CLOCK: variants seen among roughly 807,000 people sequenced by gnomAD.
CLOCK encodes the protein clock circadian regulator, also known as circadian locomoter output cycles protein kaput.
Under a neutral mutation model 118.4 loss-of-function variants are expected in CLOCK, and 43 were observed. That is an observed-to-expected ratio of 0.36 (90% CI 0.28 to 0.47). CLOCK has a LOEUF of 0.47. Among genes scored for constraint, CLOCK ranks in the 20% least tolerant of loss-of-function variants. The pLI is 1.00. For synonymous variants in CLOCK, 326 were observed against 339.2 expected, an observed-to-expected ratio of 0.96 and a Z score of 0.43; for missense variants, 846 against 999.9, an observed-to-expected ratio of 0.85 and a Z score of 2.08.
chr4:55,495,157 C>T (rs1388469526), intron 2 of CLOCK, among the ~76,000 whole-genome samples: 1 of 152,098 alleles, frequency 6.6e-6, no homozygotes, highest in Admixed American at 6.6e-5. Flanking sequence ...CATCCCCCAT[C>T]CCTATATACT....
In CLOCK at chr4:55,530,663, T is replaced by C. The variant is rs1203901016; in HGVS notation, c.-290+16119A>G. ...GGTGGCAAACGCCTGTAATCCCATC[T>C]ACTGCGGAGGTTGAAGCAGAAGAAT... On this transcript the variant is annotated intron_variant, in intron 1 of 22. Transcript: ENST00000513440. Among the ~76,000 whole-genome samples the C allele has an allele frequency of 3.4e-5, 5 of 149,246 alleles. No individual in the cohort carries two copies. The East Asian group carries it at 5.9e-4, about 18-fold the overall frequency.
intron 2 of CLOCK, among the ~76,000 whole-genome samples, chr4:55,493,789 T>G (rs1727876134): frequency 6.6e-6 from 1 of 152,156 alleles, no homozygotes; most frequent in Admixed American, 6.6e-5. Context: ...AACTGACCTG[T>G]AAGAATAAGA....
intron 15 of CLOCK, chr4:55,452,685 AT>A (rs939837981): frequency 3.0e-4 from 58 of 194,692 alleles, no homozygotes; most frequent in Admixed American, 1.1e-3. Context: ...TTTAGGGAAG[AT>A]TTTTTTTTCC....
At chr4:55,543,904 AATAAT>A (rs1204374742) in intron 1 of CLOCK, among the ~76,000 whole-genome samples, 1 of 152,224 alleles carries the variant, frequency 6.6e-6, no homozygotes, top group Admixed American at 6.5e-5. Flanking sequence ...ATCAAACAGA[AATAAT>A]ATAAGTATCC....
intron 1 of CLOCK, among the ~76,000 whole-genome samples, chr4:55,511,262 G>A (rs1304381774): frequency 6.7e-6 from 1 of 149,424 alleles, no homozygotes; most frequent in Non-Finnish European, 1.5e-5. Context: ...TCACTATCAA[G>A]CAAGTGCTTT....
intron 1 of CLOCK, among the ~76,000 whole-genome samples, chr4:55,528,462 G>A (rs1730340792): frequency 6.6e-6 from 1 of 152,084 alleles, no homozygotes; most frequent in Admixed American, 6.6e-5. Context: ...TGAATGAGAT[G>A]ATGATGGTGA....
chr4:55,515,662 C>T (rs931314238), intron 1 of CLOCK, among the ~76,000 whole-genome samples: 10 of 152,174 alleles, frequency 6.6e-5, no homozygotes, highest in East Asian at 1.9e-4. Flanking sequence ...GGATTACAGG[C>T]GCGAGCCACC....
chr4:55,470,855 G>T, intron 7 of CLOCK, 49 bp from the exon 8 acceptor site: 2 of 1,317,852 alleles, frequency 1.5e-6, no homozygotes, highest in Non-Finnish European at 2.2e-6. Flanking sequence ...AAAGTATTTT[G>T]CAGGACAGAA....
chr4:55,451,873 T>C (rs1560424691), intron 15 of CLOCK, among the ~76,000 whole-genome samples: 1 of 152,228 alleles, frequency 6.6e-6, no homozygotes, highest in South Asian at 2.1e-4. Context: ...GTTTGCATTA[T>C]TCAGTGCTGT....
chr4:55,517,861 T>G (rs1729612917), intron 1 of CLOCK, among the ~76,000 whole-genome samples: 1 of 152,148 alleles, frequency 6.6e-6, no homozygotes, highest in African/African-American at 2.4e-5. Context: ...TGATATAAAC[T>G]TTATAGAGAA....
chr4:55,531,541 C>A (rs1399719561), intron 1 of CLOCK, among the ~76,000 whole-genome samples: 2 of 151,574 alleles, frequency 1.3e-5, no homozygotes, highest in Admixed American at 6.6e-5. Flanking sequence ...CCCGTCTCTA[C>A]GAAAACTACA....
intron 1 of CLOCK, among the ~76,000 whole-genome samples, chr4:55,512,360 T>C (rs1161040820): frequency 6.8e-6 from 1 of 147,852 alleles, no homozygotes; most frequent in Non-Finnish European, 1.5e-5. Flanking sequence ...CACATGCTTC[T>C]TGAGGTTTGT....
At chr4:55,522,945 T>A (rs112931896) in intron 1 of CLOCK, among the ~76,000 whole-genome samples, 5,123 of 152,036 alleles carry the variant, frequency 0.034, 104 homozygotes, top group Non-Finnish European at 0.054. Flanking sequence ...ACAGGCCAGG[T>A]TGAATAAAAA....
rs998564272 is a variant in CLOCK at position 55,491,614 on chromosome 4, A to G, written c.-135-2149T>C. 5.9e-5 allele frequency among the ~76,000 whole-genome samples: 9 copies of G among 152,158 alleles called. 1 individual carries two copies. Among genetic ancestry groups the G allele is most frequent in the African/African-American group, 2.2e-4 (9 of 41,462 alleles). The stretch of plus-strand genomic sequence containing the variant: ...TCCTAGAAATATGCCATCTACCACG[A>G]AGGCTGAATCATGAATAGAAAAATG... On this transcript the variant is annotated intron_variant, in intron 2 of 22. Transcript: ENST00000513440.
chr4:55,510,724 G>T (rs971472399), intron 1 of CLOCK, among the ~76,000 whole-genome samples: 2 of 151,878 alleles, frequency 1.3e-5, no homozygotes, highest in Non-Finnish European at 2.9e-5. Flanking sequence ...AGAGGGAAGA[G>T]GTGAGAAAGA....
chr4:55,431,784 G>A lies in CLOCK; in HGVS notation c.*3631C>T, dbSNP rs998203642. ...TTAAAAAGTTTGCCTCAATGTAGTG[G>A]AAACATCTGAAAACATGTTGAGTAA... On this transcript the variant is annotated 3_prime_UTR_variant, in exon 23 of 23. Transcript: ENST00000513440. The A allele has an allele frequency of 1.3e-4, 20 of 152,176 alleles. No individual in the cohort carries two copies. The highest frequency in any genetic ancestry group is 3.1e-4 in the African/African-American group (13 of 41,444). The allele number at this position is 152,176 out of a possible 1,614,324, so 9.4% of individuals were successfully genotyped here.
rs991459281 is a variant in CLOCK, at chr4:55,439,971, G to A, written c.2106-1434C>T. 4.6e-5 allele frequency among the ~76,000 whole-genome samples: 7 copies of A among 151,792 alleles called. 1 individual carries two copies. Among genetic ancestry groups the A allele is most frequent in the Admixed American group, 3.3e-4 (5 of 15,242 alleles). On this transcript the variant is annotated intron_variant, in intron 21 of 22. Transcript: ENST00000513440. ...GACAATGAACTGTATATTTTAAAAC[G>A]GTTAACATGGTAACTTTTATGTCAT...
At chr4:55,457,859 T>G (rs1187195351) in intron 11 of CLOCK, among the ~76,000 whole-genome samples, 3 of 152,216 alleles carry the variant, frequency 2.0e-5, no homozygotes, top group African/African-American at 7.2e-5. Flanking sequence ...TTAACTTCCC[T>G]AAGCCTGTTT....
chr4:55,428,973 CTTTTTTTT>C lies in CLOCK; in HGVS notation c.*6434_*6441del, dbSNP rs35261810. On this transcript the variant is annotated 3_prime_UTR_variant, in exon 23 of 23. Transcript: ENST00000513440. ...ATGGTAACTGTTCTGGCTGACACATCTTTTTTTTTTTTTTTTTTTTTAAAAAGACATTT... is the reference window on the plus strand; with the variant it reads ...ATGGTAACTGTTCTGGCTGACACATCTTTTTTTTTTTTTAAAAAGACATTT... 1.6e-5 allele frequency: 2 copies of C among 125,750 alleles called. No individual in the cohort carries two copies. The highest frequency in any genetic ancestry group is 8.2e-5 in the Admixed American group (1 of 12,174). 7.8% of individuals were successfully genotyped at this position (125,750 alleles called of 1,614,324 possible). A position where few individuals can be genotyped will look rare whatever the true frequency, so the allele number is the denominator to read the frequency against.
Sources: allele counts gnomAD v4.1 joint callset (sites outside exome capture counted in the v4.1 genomes callset), GRCh38; gene constraint gnomAD v4.1.1; transcripts MANE v1.5; gene names NCBI Gene and HGNC (gene_info 2026-07-23, HGNC 2026-07-21).